Variants in KAT2B observed in about 807,000 individuals in gnomAD.
The protein encoded by KAT2B is lysine acetyltransferase 2B.
KAT2B carries 36 observed loss-of-function variants against 105.9 expected under a neutral mutation model. That is an observed-to-expected ratio of 0.34 (90% CI 0.26 to 0.45). The LOEUF (loss-of-function observed/expected upper bound fraction) is 0.45. Ranked by LOEUF, KAT2B falls within the 20% of genes least tolerant of loss-of-function variation. The pLI is 1.00. For synonymous variants in KAT2B, 397 were observed against 377.9 expected (o/e 1.05, Z -0.59); for missense variants, 820 against 1,021.6 (o/e 0.80, Z 2.69).
chr3:20,114,946 C>T lies in KAT2B; in HGVS notation c.1108C>T (p.Leu370Phe). The T allele has an allele frequency of 6.2e-7, 1 of 1,612,358 alleles. No individual in the cohort carries two copies. The highest frequency in any genetic ancestry group is 8.5e-7 in the Non-Finnish European group (1 of 1,178,728). Residue 370 changes from leucine (L) to phenylalanine (F), a missense_variant, in exon 7 of 18, where the codon CTC (leucine) becomes TTC (phenylalanine). Leu to Phe is a conservative substitution (Grantham distance 22). Around this residue, in one of 6 missense-constraint regions of KAT2B, gnomAD observed 225 missense variants for 268.1 expected, o/e 0.84. Transcript: ENST00000263754. ...QNSPIWDQDFLSASSRTSQLG... is the reference protein window; with the variant it reads ...QNSPIWDQDFFSASSRTSQLG... The stretch of plus-strand genomic sequence containing the variant: ...CTCTCCCATCTGGGATCAGGATTTT[C>T]TCTCAGCCTCTTCCAGAACCAGCCA...
chr3:20,064,025 A>G (rs1300671868), intron 1 of KAT2B, among the ~76,000 whole-genome samples: 1 of 152,168 alleles, frequency 6.6e-6, no homozygotes, highest in African/African-American at 2.4e-5. Flanking sequence ...TCATTTGACC[A>G]TTATCTGTGA....
intron 15 of KAT2B, 25 bp from the exon 16 acceptor site, chr3:20,148,218 C>A (rs1349408084): frequency 3.1e-6 from 5 of 1,599,510 alleles, no homozygotes; most frequent in Non-Finnish European, 4.3e-6. Context: ...AATCATTGCT[C>A]CTTGTTTCCC....
intron 1 of KAT2B, among the ~76,000 whole-genome samples, chr3:20,063,534 C>CTTTTTTTTTTTTTTTTTTTTT (rs36058009): frequency 1.1e-5 from 1 of 88,840 alleles, no homozygotes; most frequent in Non-Finnish European, 2.2e-5. Flanking sequence ...GAGTAGGCCT[C>CTTTTTTTTTTTTTTTTTTTTT]TTTTTTTTTT....
chr3:20,040,625 G>A lies in KAT2B; in HGVS notation c.148G>A (p.Gly50Ser). The A allele has an allele frequency of 7.4e-7, 1 of 1,348,822 alleles. No homozygotes were observed. Among genetic ancestry groups the A allele is most frequent in the South Asian group, 1.8e-5 (1 of 56,410 alleles). 83.6% of individuals were successfully genotyped at this position (1,348,822 alleles called of 1,614,324 possible). A position where few individuals can be genotyped will look rare whatever the true frequency, so the allele number is the denominator to read the frequency against. The change falls in exon 1 of 18, where the codon GGC (glycine) becomes AGC (serine). Residue 50 changes from glycine (G) to serine (S), a missense_variant. By Grantham distance (56) the Gly-to-Ser change is moderately conservative. Coordinates refer to ENST00000263754, the MANE Select transcript of KAT2B (RefSeq NM_003884.5). Reference sequence around the variant, plus strand: ...CTGCGCCGCTGCCGCCGGGGGCTCGGGCGCCTGCGGTCCGGCGACGGCAGT... The same window carrying A: ...CTGCGCCGCTGCCGCCGGGGGCTCGAGCGCCTGCGGTCCGGCGACGGCAGT... ...SPCAAAAGGS[G>S]ACGPATAVAA...
intron 2 of KAT2B, among the ~76,000 whole-genome samples, chr3:20,079,986 T>G (rs1575121205): frequency 6.6e-6 from 1 of 152,340 alleles, no homozygotes; most frequent in East Asian, 1.9e-4. Flanking sequence ...GAAATCCTGT[T>G]TGATACTCCC....
chr3:20,093,024 GT>G (rs1393350538), intron 2 of KAT2B, among the ~76,000 whole-genome samples: 1 of 152,122 alleles, frequency 6.6e-6, no homozygotes, highest in Non-Finnish European at 1.5e-5. Context: ...AGTCCATTTT[GT>G]CTGATATAAA....
rs900017801 is a variant in KAT2B at position 20,050,214 on chromosome 3, A to G, written c.303+9434A>G. On this transcript the variant is annotated intron_variant, in intron 1 of 17. Coordinates refer to ENST00000263754, the MANE Select transcript of KAT2B (RefSeq NM_003884.5). ...GACCCTGTCTCAAAAAAAAAAAAAAAAGATTTAGAAGTCCCCCAACCAGTT... is the reference window on the plus strand; with the variant it reads ...GACCCTGTCTCAAAAAAAAAAAAAAGAGATTTAGAAGTCCCCCAACCAGTT... Among the ~76,000 whole-genome samples the G allele has an allele frequency of 1.1e-4, 16 of 152,082 alleles. No homozygotes were observed. The East Asian group carries it at 2.5e-3, about 24-fold the overall frequency.
chr3:20,055,967 T>G (rs553444000), intron 1 of KAT2B, among the ~76,000 whole-genome samples: 130 of 152,326 alleles, frequency 8.5e-4, no homozygotes, highest in African/African-American at 3.0e-3. Context: ...CATTGGTAGT[T>G]AATTTCTATT....
intron 7 of KAT2B, 22 bp from the exon 8 acceptor site, chr3:20,119,576 T>C (rs760157279): frequency 1.2e-6 from 2 of 1,613,470 alleles, no homozygotes; most frequent in African/African-American, 1.3e-5. Context: ...TCTAACACCT[T>C]CTTCTCCTTT....
chr3:20,109,334 T>G (rs1177396496), intron 5 of KAT2B, among the ~76,000 whole-genome samples: 1 of 150,328 alleles, frequency 6.7e-6, no homozygotes, highest in East Asian at 1.9e-4. Flanking sequence ...AGCATGTCAG[T>G]GTCTCATTCT....
chr3:20,131,224 C>G (rs1699506427), intron 11 of KAT2B, among the ~76,000 whole-genome samples: 2 of 151,918 alleles, frequency 1.3e-5, no homozygotes, highest in Non-Finnish European at 2.9e-5. Context: ...TCACGTTGGC[C>G]AGGCTGGTCT....
In KAT2B at chr3:20,101,433, T is replaced by C. The variant is rs1441552842; in HGVS notation, c.816T>C (p.Asn272=). 2 of 1,614,014 alleles carry C rather than the reference T, an allele frequency of 1.2e-6. No individual in the cohort carries two copies. The highest frequency in any genetic ancestry group is 1.7e-6 in the Non-Finnish European group (2 of 1,179,970). ...APSQRRLRSP[N]DDISGYKENY... Reference sequence around the variant, plus strand: ...CTCAACGAAGACTGCGATCTCCCAATGATGATATTTCTGGATACAAAGAGA... The same window carrying C: ...CTCAACGAAGACTGCGATCTCCCAACGATGATATTTCTGGATACAAAGAGA... The change falls in exon 5 of 18, where the codon AAT becomes AAC. Residue 272 remains asparagine (N), a synonymous_variant. Transcript: ENST00000263754.
chr3:20,081,872 T>C (rs1330863438), intron 2 of KAT2B, among the ~76,000 whole-genome samples: 1 of 144,414 alleles, frequency 6.9e-6, no homozygotes, highest in Non-Finnish European at 1.5e-5. Flanking sequence ...TTTGCTGTCA[T>C]TGGCTCATAT....
chr3:20,081,973 A>G (rs1027305776), intron 2 of KAT2B, among the ~76,000 whole-genome samples: 2 of 151,190 alleles, frequency 1.3e-5, no homozygotes, highest in African/African-American at 4.9e-5. Flanking sequence ...CTATATGAGA[A>G]TAAGTTACTT....
intron 11 of KAT2B, among the ~76,000 whole-genome samples, chr3:20,128,991 G>C (rs573247231): frequency 1.2e-3 from 146 of 125,268 alleles, no homozygotes; most frequent in Non-Finnish European, 2.0e-3. Flanking sequence ...TGGGCAATGA[G>C]AGCGAAACTC....
chr3:20,057,923 A>T (rs1188362179), intron 1 of KAT2B, among the ~76,000 whole-genome samples: 1 of 152,150 alleles, frequency 6.6e-6, no homozygotes, highest in Non-Finnish European at 1.5e-5. Flanking sequence ...TCCAGCATAA[A>T]CACAAGGATT....
At chr3:20,146,473 GCCGTGGTTTGTGTTTGAAACAATTT>G in intron 14 of KAT2B, 43 bp downstream of exon 14, 1 of 1,106,884 alleles carries the variant, frequency 9.0e-7, no homozygotes, top group Non-Finnish European at 1.4e-6. Context: ...TTTTAGTAAT[GCCGTGGTTTGTGTTTGAAACAATTT>G]CCAGAATGCA....
intron 2 of KAT2B, among the ~76,000 whole-genome samples, chr3:20,091,469 A>G (rs956033635): frequency 6.6e-6 from 1 of 151,164 alleles, no homozygotes; most frequent in Non-Finnish European, 1.5e-5. Flanking sequence ...GATCTTTTCT[A>G]TTGTTTTTCT....
At chr3:20,091,051 C>G (rs1413794437) in intron 2 of KAT2B, among the ~76,000 whole-genome samples, 3 of 152,090 alleles carry the variant, frequency 2.0e-5, no homozygotes, top group Non-Finnish European at 4.4e-5. Flanking sequence ...TGCACTTGGG[C>G]TTTTTGAAGA....
Sources: gnomAD v4.1 joint callset for allele counts (sites outside exome capture counted in the v4.1 genomes callset) on GRCh38, gnomAD v4.1.1 for gene constraint, gnomAD v4.1.1 regional missense constraint, MANE v1.5 for transcripts, NCBI Gene and HGNC (gene_info 2026-07-23, HGNC 2026-07-21) for gene names.